STIMATE: variants seen among roughly 807,000 people sequenced by gnomAD.
STIMATE encodes the protein store-operated calcium entry regulator STIMATE.
A neutral mutation model predicts 36.7 loss-of-function variants in STIMATE; 15 were observed. The ratio of observed to expected loss-of-function variants is 0.41; its 90% CI spans 0.27 to 0.63. The LOEUF (loss-of-function observed/expected upper bound fraction) is 0.63, where lower values mean the gene tolerates loss of function less well. Among genes scored for constraint, STIMATE ranks in the 20% least tolerant of loss-of-function variants. The pLI is 0.32. For synonymous variants in STIMATE, 163 were observed against 162.3 expected, an observed-to-expected ratio of 1.00 and a Z score of -0.03; for missense variants, 305 against 397.3, an observed-to-expected ratio of 0.77 and a Z score of 1.98.
chr3:52,840,382 G>T lies in STIMATE; in HGVS notation c.*112C>A. ...CGAGAGCGGGCAGAGACAGCAAGAG[G>T]AGCAGAGGTAGAAAGGAAGGGCAGA... On this transcript the variant is annotated 3_prime_UTR_variant, in exon 8 of 8. Coordinates refer to ENST00000355083, the MANE Select transcript of STIMATE (RefSeq NM_198563.5). 8.2e-7 allele frequency: 1 copy of T among 1,214,566 alleles called. No homozygotes were observed. The highest frequency in any genetic ancestry group is 1.2e-6 in the Non-Finnish European group (1 of 857,128). The allele number at this position is 1,214,566 out of a possible 1,614,324, so 75.2% of individuals were successfully genotyped here.
intron 1 of STIMATE, among the ~76,000 whole-genome samples, chr3:52,869,701 C>G (rs929777297): frequency 6.6e-6 from 1 of 152,200 alleles, no homozygotes; most frequent in Non-Finnish European, 1.5e-5. Context: ...CAGGCCAGTA[C>G]CTGGAATGAA....
chr3:52,865,610 GAAC>G (rs35947894), intron 1 of STIMATE, among the ~76,000 whole-genome samples: 37,092 of 151,998 alleles, frequency 0.24, 4,805 homozygotes, highest in Admixed American at 0.37. Context: ...ACTACCACAA[GAAC>G]AATGTGGGGG....
At chr3:52,869,861 C>T (rs1275060857) in intron 1 of STIMATE, among the ~76,000 whole-genome samples, 1 of 152,178 alleles carries the variant, frequency 6.6e-6, no homozygotes, top group Non-Finnish European at 1.5e-5. Flanking sequence ...GGGAGACTTG[C>T]TTAACATCTC....
intron 7 of STIMATE, 92 bp downstream of exon 7, chr3:52,842,719 C>T: frequency 6.3e-7 from 1 of 1,579,466 alleles, no homozygotes; most frequent in African/African-American, 1.3e-5. Context: ...ACTCTGCACT[C>T]AAGGGAAGAA....
intron 4 of STIMATE, among the ~76,000 whole-genome samples, chr3:52,845,932 GGGT>G (rs1700889208): frequency 3.0e-5 from 3 of 100,454 alleles, no homozygotes; most frequent in Admixed American, 1.9e-4. Context: ...AGCATTTTGG[GGGT>G]GGCGGGGGGG....
intron 1 of STIMATE, among the ~76,000 whole-genome samples, chr3:52,869,693 G>A (rs1172617541): frequency 6.6e-6 from 1 of 152,308 alleles, no homozygotes; most frequent in East Asian, 1.9e-4. Context: ...TTGGCACCCA[G>A]GCCAGTACCT....
At chr3:52,856,714 T>C (rs1701104603) in intron 1 of STIMATE, among the ~76,000 whole-genome samples, 1 of 147,560 alleles carries the variant, frequency 6.8e-6, no homozygotes, top group Admixed American at 6.6e-5. Flanking sequence ...AAAGAAAAGC[T>C]CTGTTAATTG....
At chr3:52,883,073 G>T (rs1212875245) in intron 1 of STIMATE, among the ~76,000 whole-genome samples, 1 of 152,228 alleles carries the variant, frequency 6.6e-6, no homozygotes, top group Non-Finnish European at 1.5e-5. Context: ...AACTAAAGAT[G>T]TCAAAACTTA....
intron 1 of STIMATE, among the ~76,000 whole-genome samples, chr3:52,888,536 A>G (rs1266968925): frequency 1.3e-5 from 2 of 152,234 alleles, no homozygotes; most frequent in Admixed American, 1.3e-4. Context: ...GCTGTGTTTC[A>G]ACTATTCCTA....
At chr3:52,843,403 G>A (rs999860854) in intron 6 of STIMATE, among the ~76,000 whole-genome samples, 9 of 152,078 alleles carry the variant, frequency 5.9e-5, no homozygotes, top group Non-Finnish European at 1.3e-4. Flanking sequence ...AGGAATGAAC[G>A]ATGGGTACGT....
At chr3:52,887,597 A>G (rs1701710612) in intron 1 of STIMATE, among the ~76,000 whole-genome samples, 1 of 152,214 alleles carries the variant, frequency 6.6e-6, no homozygotes, top group African/African-American at 2.4e-5. Flanking sequence ...GCTTCCTGGT[A>G]GGGCTCAGCA....
At chr3:52,896,620 T>C (rs1356176711) in intron 1 of STIMATE, among the ~76,000 whole-genome samples, 1 of 152,018 alleles carries the variant, frequency 6.6e-6, no homozygotes, top group Non-Finnish European at 1.5e-5. Context: ...TGCGGCTTAT[T>C]AGGAAAGCTT....
chr3:52,840,684 G>T, intron 7 of STIMATE, 74 bp from the exon 8 acceptor site: 1 of 1,406,788 alleles, frequency 7.1e-7, no homozygotes, highest in Non-Finnish European at 9.6e-7. Flanking sequence ...TGGACCCTGG[G>T]CCCTTCAAGT....
intron 3 of STIMATE, among the ~76,000 whole-genome samples, chr3:52,850,265 A>G (rs1398485617): frequency 6.6e-6 from 1 of 152,136 alleles, no homozygotes; most frequent in African/African-American, 2.4e-5. Context: ...ACCTGTCTCT[A>G]CTGAAAATAC....
intron 1 of STIMATE, among the ~76,000 whole-genome samples, chr3:52,878,867 G>A (rs1420060906): frequency 6.6e-6 from 1 of 152,160 alleles, no homozygotes; most frequent in Non-Finnish European, 1.5e-5. Flanking sequence ...CTTCAGGAGT[G>A]GGTGGGACTG....
chr3:52,881,182 CAAG>C (rs1480433910), intron 1 of STIMATE, among the ~76,000 whole-genome samples: 1 of 130,684 alleles, frequency 7.7e-6, no homozygotes, highest in Non-Finnish European at 1.6e-5. Context: ...CCAGCCTGGG[CAAG>C]AAGAGAGAAA....
At chr3:52,895,021 C>A (rs1378971739) in intron 1 of STIMATE, among the ~76,000 whole-genome samples, 2 of 152,232 alleles carry the variant, frequency 1.3e-5, no homozygotes, top group African/African-American at 4.8e-5. Context: ...GTCAGGGGAG[C>A]CTGGCCTTCA....
chr3:52,851,146 C>T (rs1271824137), intron 3 of STIMATE, among the ~76,000 whole-genome samples: 1 of 152,200 alleles, frequency 6.6e-6, no homozygotes, highest in African/African-American at 2.4e-5. Context: ...GGTCTGTTTC[C>T]ATCCGACACA....
chr3:52,850,684 C>T (rs1700982702), intron 3 of STIMATE, among the ~76,000 whole-genome samples: 2 of 152,302 alleles, frequency 1.3e-5, no homozygotes, highest in African/African-American at 4.8e-5. Context: ...GGCAACATGG[C>T]CTTCGCCCAT....
Sources: allele counts gnomAD v4.1 joint callset (sites outside exome capture counted in the v4.1 genomes callset), GRCh38; gene constraint gnomAD v4.1.1; transcripts MANE v1.5; gene names NCBI Gene and HGNC (gene_info 2026-07-23, HGNC 2026-07-21).